Variants in AKAP13 observed in about 807,000 individuals in gnomAD.
AKAP13 encodes the protein A-kinase anchor protein 13.
AKAP13 carries 80 observed loss-of-function variants against 264.5 expected under a neutral mutation model. That is an observed-to-expected ratio of 0.30 (90% CI 0.25 to 0.36). The LOEUF is 0.36. Among genes scored for constraint, AKAP13 ranks in the 10% least tolerant of loss-of-function variants. The pLI, the probability that AKAP13 is intolerant of heterozygous loss-of-function variation, is 1.00. For synonymous variants in AKAP13, 1,380 were observed against 1,250.2 expected (o/e 1.10, Z -2.19); for missense variants, 3,712 against 3,435.2 (o/e 1.08, Z -2.01).
Position 85,399,529 on chromosome 15 carries a change from AATAAAAAAAT to A in AKAP13, c.-12+18733_-12+18742del, listed in dbSNP as rs1567038702. On this transcript the variant is annotated intron_variant, in intron 1 of 36. Transcript: ENST00000394518. The stretch of plus-strand genomic sequence containing the variant: ...AAAAAAAAAAAAAAAAAAATAAAAA[AATAAAAAAAT>A]AAATAAATAAATAAATAAAGTTTTA... 2.0e-3 allele frequency among the ~76,000 whole-genome samples: 251 copies of A among 123,136 alleles called. 7 individuals carry two copies. Among genetic ancestry groups the A allele is most frequent in the African/African-American group, 3.9e-3 (128 of 32,880 alleles). 80.8% of individuals were successfully genotyped at this position (123,136 alleles called of 152,430 possible). A position where few individuals can be genotyped will look rare whatever the true frequency, so the allele number is the denominator to read the frequency against.
intron 2 of AKAP13, among the ~76,000 whole-genome samples, chr15:85,497,292 G>A (rs778708273): frequency 6.6e-6 from 1 of 152,246 alleles, no homozygotes; most frequent in Non-Finnish European, 1.5e-5. Context: ...GGGCTCAGAT[G>A]CATGCGTAGA....
intron 8 of AKAP13, among the ~76,000 whole-genome samples, chr15:85,634,907 A>C (rs895375416): frequency 6.7e-6 from 1 of 148,676 alleles, no homozygotes; most frequent in Non-Finnish European, 1.5e-5. Flanking sequence ...TCAGCAGTTC[A>C]TTTCTTCTTT....
At chr15:85,555,441 A>G in intron 5 of AKAP13, 1 of 1,289,130 alleles carries the variant, frequency 7.8e-7, no homozygotes, top group Non-Finnish European at 1.0e-6. Context: ...TATGAAGCCA[A>G]AACTAAAAGA....
intron 5 of AKAP13, among the ~76,000 whole-genome samples, chr15:85,573,091 TTAG>T (rs2078880711): frequency 6.6e-6 from 1 of 152,232 alleles, no homozygotes; most frequent in Non-Finnish European, 1.5e-5. Flanking sequence ...CAGGTGTGAC[TTAG>T]TAGAAAAAAC....
At chr15:85,684,961 G>A (rs2084810123) in intron 16 of AKAP13, 88 bp downstream of exon 16, 4 of 1,393,500 alleles carry the variant, frequency 2.9e-6, no homozygotes, top group East Asian at 2.5e-5. Flanking sequence ...TAAATCATGG[G>A]GACATAAATG....
At chr15:85,566,955 A>G (rs1177760902) in intron 5 of AKAP13, among the ~76,000 whole-genome samples, 1 of 152,038 alleles carries the variant, frequency 6.6e-6, no homozygotes, top group Non-Finnish European at 1.5e-5. Context: ...TTCAAGAGAA[A>G]AATAATTTGT....
intron 4 of AKAP13, among the ~76,000 whole-genome samples, chr15:85,540,047 C>T (rs1164680186): frequency 1.4e-4 from 22 of 152,022 alleles, no homozygotes; most frequent in African/African-American, 2.4e-5. Context: ...AGAAGCAGAA[C>T]CACTAAGAGA....
intron 1 of AKAP13, among the ~76,000 whole-genome samples, chr15:85,399,789 C>G (rs538246989): frequency 2.6e-5 from 4 of 151,830 alleles, no homozygotes; most frequent in Non-Finnish European, 4.4e-5. Context: ...TCTTAGTTGT[C>G]GGTTCAGATT....
At chr15:85,465,832 T>C (rs1441579657) in intron 1 of AKAP13, among the ~76,000 whole-genome samples, 55 of 150,440 alleles carry the variant, frequency 3.7e-4, no homozygotes, top group African/African-American at 1.2e-3. Context: ...TGTGTCTTTA[T>C]AGCAGCATGA....
intron 2 of AKAP13, among the ~76,000 whole-genome samples, chr15:85,490,799 T>C (rs1191200750): frequency 6.6e-6 from 1 of 152,154 alleles, no homozygotes; most frequent in Non-Finnish European, 1.5e-5. Flanking sequence ...CTCCTGGTAC[T>C]TGCATTGTAG....
In AKAP13 at chr15:85,748,055, T is replaced by A. The variant is rs2089421179; in HGVS notation, c.*3378T>A. The A allele has an allele frequency of 6.6e-6, 1 of 152,272 alleles. No homozygotes were observed. The allele number at this position is 152,272 out of a possible 1,614,324, so 9.4% of individuals were successfully genotyped here. A position where few individuals can be genotyped will look rare whatever the true frequency, so the allele number is the denominator to read the frequency against. On this transcript the variant is annotated 3_prime_UTR_variant, in exon 37 of 37. Coordinates refer to ENST00000394518, the MANE Select transcript of AKAP13 (RefSeq NM_007200.5). ...GACTATAACCTTAGAGGCCAGAACTTGATCCAGAAGTTGCTGTCCACAGAA... is the reference window on the plus strand; with the variant it reads ...GACTATAACCTTAGAGGCCAGAACTAGATCCAGAAGTTGCTGTCCACAGAA...
At chr15:85,408,348 A>G (rs1241863167) in intron 1 of AKAP13, among the ~76,000 whole-genome samples, 2 of 151,872 alleles carry the variant, frequency 1.3e-5, no homozygotes, top group Admixed American at 1.3e-4. Flanking sequence ...TACCGTCTTA[A>G]TCATTTTTAA....
At chr15:85,621,754 A>G (rs941192056) in intron 8 of AKAP13, among the ~76,000 whole-genome samples, 2 of 152,166 alleles carry the variant, frequency 1.3e-5, no homozygotes, top group South Asian at 4.1e-4. Context: ...TTTTTACCCC[A>G]TATTCATATG....
At position 85,743,814 on chromosome 15, in the gene AKAP13, C is replaced by G. The variant is rs1030236935; in HGVS notation, c.8381C>G (p.Ser2794Cys). Residue 2794 changes from serine to cysteine, a missense_variant, in exon 36 of 37, where the codon TCT becomes TGT. By Grantham distance (112) the Ser-to-Cys change is moderately radical. Transcript: ENST00000394518. ...AAAAAGAAGAACAAAACCAGCCGCT[C>G]TCAGCCCGGTGGTGAGTCACGCACA... ...EKKKKNKTSR[S>C]QPGDGPASEV... 5 of 1,610,132 alleles carry G rather than the reference C, an allele frequency of 3.1e-6. No homozygotes were observed. In the East Asian group the frequency reaches 6.7e-5, roughly 22 times the overall value.
At chr15:85,589,447 C>T (rs369810231) in intron 8 of AKAP13, among the ~76,000 whole-genome samples, 43 of 152,042 alleles carry the variant, frequency 2.8e-4, no homozygotes, top group African/African-American at 1.0e-3. Flanking sequence ...AATTATGTTT[C>T]CAGCCATTAA....
In AKAP13 at chr15:85,507,063, C is replaced by T. The variant is rs529077690; in HGVS notation, c.34-14365C>T. On this transcript the variant is annotated intron_variant, in intron 2 of 36. Transcript: ENST00000394518. ...GTAGTCTCCTCTGGCAAATTTTCTT[C>T]CTTCTCTTTCTTTATCTTCTGTTAG... Among the ~76,000 whole-genome samples, 7 of 152,246 alleles carry T rather than the reference C, an allele frequency of 4.6e-5. No individual in the cohort carries two copies. The East Asian group carries it at 7.7e-4, about 17-fold the overall frequency.
In AKAP13 at chr15:85,514,519, C is replaced by G. The variant is rs1382031129; in HGVS notation, c.34-6909C>G. 4.4e-5 allele frequency among the ~76,000 whole-genome samples: 6 copies of G among 137,576 alleles called. 2 individuals carry two copies. The highest frequency in any genetic ancestry group is 9.3e-5 in the Non-Finnish European group (6 of 64,512). The allele number at this position is 137,576 out of a possible 152,430, so 90.3% of individuals were successfully genotyped here. A position where few individuals can be genotyped will look rare whatever the true frequency, so the allele number is the denominator to read the frequency against. On this transcript the variant is annotated intron_variant, in intron 2 of 36. Transcript: ENST00000394518. ...CCCAGGCCTGGAATCAGCCAAGTCTCTGAAGGGACTCGGTTCTTTTTATTG... is the reference window on the plus strand; with the variant it reads ...CCCAGGCCTGGAATCAGCCAAGTCTGTGAAGGGACTCGGTTCTTTTTATTG...
At chr15:85,735,227 G>A (rs2151763645) in intron 31 of AKAP13, 77 bp downstream of exon 31, 1 of 1,540,112 alleles carries the variant, frequency 6.5e-7, no homozygotes, top group Admixed American at 2.0e-5. Flanking sequence ...TTGTACTTTA[G>A]TAGCTACATC....
rs1275821300 is a variant in AKAP13, at chr15:85,442,426, AT to A, written c.-11-43283del. On this transcript the variant is annotated intron_variant, in intron 1 of 36. Coordinates refer to ENST00000394518, the MANE Select transcript of AKAP13 (RefSeq NM_007200.5). ...TTCTGTCTCAAAAAAAAAAAAAAAT[AT>A]ATATATATATAATATAAAATATACA... is the stretch of plus-strand genomic sequence containing the variant. Among the ~76,000 whole-genome samples the A allele has an allele frequency of 8.0e-3, 754 of 94,318 alleles. 28 individuals are homozygous for A. The highest frequency in any genetic ancestry group is 0.011 in the Non-Finnish European group (551 of 48,986). The allele number at this position is 94,318 out of a possible 152,430, so 61.9% of individuals were successfully genotyped here. A position where few individuals can be genotyped will look rare whatever the true frequency, so the allele number is the denominator to read the frequency against.
Sources: gnomAD v4.1 joint callset for allele counts (sites outside exome capture counted in the v4.1 genomes callset) on GRCh38, gnomAD v4.1.1 for gene constraint, MANE v1.5 for transcripts, NCBI Gene and HGNC (gene_info 2026-07-23, HGNC 2026-07-21) for gene names.